TNS3: variants seen among roughly 807,000 people sequenced by gnomAD.
The protein encoded by TNS3 is tensin 3.
A neutral mutation model predicts 140.9 loss-of-function variants in TNS3; 45 were observed. That is an observed-to-expected ratio of 0.32 (90% CI 0.25 to 0.41). The LOEUF (loss-of-function observed/expected upper bound fraction) is 0.41. TNS3 is among the 10% of genes least tolerant of loss of function. The probability of loss-of-function intolerance (pLI) is 1.00; values close to 1 mark genes in which losing one functional copy is unlikely to be tolerated. For missense variants in TNS3, 1,716 were observed against 1,906.7 expected, an observed-to-expected ratio of 0.90 and a Z score of 1.86; for synonymous variants, 815 against 788.4, an observed-to-expected ratio of 1.03 and a Z score of -0.56.
intron 1 of TNS3, among the ~76,000 whole-genome samples, chr7:47,571,678 G>A (rs1268707568): frequency 7.9e-5 from 12 of 152,244 alleles, no homozygotes; most frequent in Non-Finnish European, 1.5e-5. Flanking sequence ...CATTGAAAAC[G>A]GAAGCCGGGT....
At chr7:47,388,418 C>T (rs1470459897) in intron 16 of TNS3, among the ~76,000 whole-genome samples, 1 of 152,172 alleles carries the variant, frequency 6.6e-6, no homozygotes, top group Non-Finnish European at 1.5e-5. Flanking sequence ...CAAAGATCTG[C>T]AGCTTTGGGG....
At chr7:47,464,631 C>T (rs764385273) in intron 4 of TNS3, among the ~76,000 whole-genome samples, 1 of 152,152 alleles carries the variant, frequency 6.6e-6, no homozygotes, top group Non-Finnish European at 1.5e-5. Context: ...TCTGAGTGGG[C>T]ACAAAGAGTT....
intron 9 of TNS3, among the ~76,000 whole-genome samples, chr7:47,424,965 T>A (rs1485981686): frequency 6.6e-6 from 1 of 152,180 alleles, no homozygotes; most frequent in Non-Finnish European, 1.5e-5. Flanking sequence ...TCAGCACAAA[T>A]CCTGGAATAT....
intron 1 of TNS3, among the ~76,000 whole-genome samples, chr7:47,578,281 G>C (rs1166286874): frequency 6.6e-6 from 1 of 152,078 alleles, no homozygotes; most frequent in Non-Finnish European, 1.5e-5. Context: ...CTGGACTCCA[G>C]CCTGGACTCC....
chr7:47,335,960 T>C (rs1189731792), intron 20 of TNS3, among the ~76,000 whole-genome samples: 1 of 152,176 alleles, frequency 6.6e-6, no homozygotes, highest in Non-Finnish European at 1.5e-5. Flanking sequence ...GACACCACTC[T>C]GCCGTGTCCT....
chr7:47,560,366 A>C (rs1201295760), intron 1 of TNS3, among the ~76,000 whole-genome samples: 1 of 152,100 alleles, frequency 6.6e-6, no homozygotes, highest in Non-Finnish European at 1.5e-5. Flanking sequence ...CAGCCTCCAG[A>C]ACTGTGAGAA....
intron 3 of TNS3, among the ~76,000 whole-genome samples, chr7:47,496,503 A>T (rs1798011915): frequency 6.6e-6 from 1 of 152,204 alleles, no homozygotes; most frequent in African/African-American, 2.4e-5. Context: ...CACCAGGGGA[A>T]TCAGCAGAGG....
intron 25 of TNS3, among the ~76,000 whole-genome samples, chr7:47,293,357 A>G (rs1174219959): frequency 3.3e-5 from 5 of 152,138 alleles, no homozygotes; most frequent in Non-Finnish European, 7.4e-5. Flanking sequence ...GAAGGCTCCC[A>G]ATTTGCAGGG....
intron 8 of TNS3, 120 bp from the exon 9 acceptor site, chr7:47,428,496 A>G: frequency 9.2e-6 from 6 of 655,570 alleles, no homozygotes. Flanking sequence ...TGGTAAGGCC[A>G]GCATTACCCA....
chr7:47,312,101 C>A (rs1462868942), intron 20 of TNS3, among the ~76,000 whole-genome samples: 1 of 152,166 alleles, frequency 6.6e-6, no homozygotes, highest in East Asian at 1.9e-4. Flanking sequence ...ATGACCATCT[C>A]AAGGCCAGGC....
intron 16 of TNS3, among the ~76,000 whole-genome samples, chr7:47,381,483 C>A (rs1791756055): frequency 6.6e-6 from 1 of 152,206 alleles, no homozygotes; most frequent in Non-Finnish European, 1.5e-5. Flanking sequence ...ATACCAACCA[C>A]ACACTTTTAC....
chr7:47,351,571 A>T (rs1346084207), intron 17 of TNS3, among the ~76,000 whole-genome samples: 1 of 152,176 alleles, frequency 6.6e-6, no homozygotes, highest in Non-Finnish European at 1.5e-5. Flanking sequence ...ATGCCCAGGA[A>T]GCCCAGTAGT....
At chr7:47,281,923 C>CCCCTGACCCTGACCCTGA (rs71003390) in intron 28 of TNS3, among the ~76,000 whole-genome samples, 1 of 148,252 alleles carries the variant, frequency 6.7e-6, no homozygotes, top group African/African-American at 2.5e-5. Flanking sequence ...CCTAGCCATG[C>CCCCTGACCCTGACCCTGA]CCCTGACCCT....
At chr7:47,510,456 C>G (rs1333414817) in intron 2 of TNS3, among the ~76,000 whole-genome samples, 1 of 152,112 alleles carries the variant, frequency 6.6e-6, no homozygotes, top group African/African-American at 2.4e-5. Context: ...TGAAAGAACT[C>G]CTAGCAGACA....
At chr7:47,537,331 G>C (rs1037867595) in intron 1 of TNS3, among the ~76,000 whole-genome samples, 39 of 152,284 alleles carry the variant, frequency 2.6e-4, no homozygotes, top group African/African-American at 9.1e-4. Context: ...TCAGAAGTCA[G>C]ACGCCGGGAA....
rs897642938 is a variant in TNS3 at position 47,297,667 on chromosome 7, G to A, written c.3545-454C>T. Among the ~76,000 whole-genome samples, 5 of 152,102 alleles carry A rather than the reference G, an allele frequency of 3.3e-5. 1 individual carries two copies. In the South Asian group the frequency reaches 1.0e-3, roughly 32 times the overall value. ...ACACAAAGGGGAGAAACAGGCAGTG[G>A]GAGGGAGGCTGTCGCAGAACACCCT... On this transcript the variant is annotated intron_variant, in intron 23 of 30. Coordinates refer to ENST00000311160, the MANE Select transcript of TNS3 (RefSeq NM_022748.12).
chr7:47,474,913 C>A (rs1006846027), intron 4 of TNS3, among the ~76,000 whole-genome samples: 18 of 150,204 alleles, frequency 1.2e-4, no homozygotes, highest in African/African-American at 3.9e-4. Flanking sequence ...CAAAAAAAAA[C>A]ACCTCACACA....
chr7:47,298,031 C>G (rs1786154110), intron 23 of TNS3, among the ~76,000 whole-genome samples: 1 of 152,154 alleles, frequency 6.6e-6, no homozygotes, highest in Non-Finnish European at 1.5e-5. Flanking sequence ...TGTGATCCAC[C>G]CGCCTCAGCC....
intron 17 of TNS3, among the ~76,000 whole-genome samples, chr7:47,352,370 ACACT>A (rs1482206177): frequency 3.9e-5 from 6 of 152,206 alleles, no homozygotes; most frequent in East Asian, 3.9e-4. Flanking sequence ...TCTCACACTC[ACACT>A]CACGCACAGT....
Sources: gnomAD v4.1 joint callset for allele counts (sites outside exome capture counted in the v4.1 genomes callset) on GRCh38, gnomAD v4.1.1 for gene constraint, MANE v1.5 for transcripts, NCBI Gene and HGNC (gene_info 2026-07-23, HGNC 2026-07-21) for gene names.